PDE8B: variants seen among roughly 807,000 people sequenced by gnomAD.
The protein encoded by PDE8B is high affinity cAMP-specific and IBMX-insensitive 3',5'-cyclic phosphodiesterase 8B.
A neutral mutation model predicts 101.3 loss-of-function variants in PDE8B; 26 were observed. That is an observed-to-expected ratio of 0.26 (90% CI 0.19 to 0.36). The LOEUF is 0.36. PDE8B is among the 10% of genes least tolerant of loss of function. The pLI, the probability that PDE8B is intolerant of heterozygous loss-of-function variation, is 1.00. For missense variants in PDE8B, 810 were observed against 1,163.1 expected, an observed-to-expected ratio of 0.70 and a Z score of 4.42; for synonymous variants, 424 against 429.3, an observed-to-expected ratio of 0.99 and a Z score of 0.15.
In PDE8B at chr5:77,426,963, G is replaced by A. The variant is rs1798246491; in HGVS notation, c.*409G>A. 1 of 206,120 alleles carries A rather than the reference G, an allele frequency of 4.9e-6. No homozygotes were observed. Among genetic ancestry groups the A allele is most frequent in the Non-Finnish European group, 9.7e-6 (1 of 102,692 alleles). 12.8% of individuals were successfully genotyped at this position (206,120 alleles called of 1,614,324 possible). A position where few individuals can be genotyped will look rare whatever the true frequency, so the allele number is the denominator to read the frequency against. On this transcript the variant is annotated 3_prime_UTR_variant, in exon 22 of 22. Transcript: ENST00000264917. ...CTTTACCATAAAAGTCATCATTGCT[G>A]TTTAGCTTGACTGTTTTCCTCAAGA...
At chr5:77,206,604 G>A (rs577510238), upstream of PDE8B, among the ~76,000 whole-genome samples, 18 of 152,252 alleles carry the variant, frequency 1.2e-4, no homozygotes, top group African/African-American at 4.3e-4. Context: ...AGGCTGGTGC[G>A]GCTGGAGCAG....
the PDE8B span, among the ~76,000 whole-genome samples, chr5:77,169,945 C>T: frequency 7.9e-5 from 12 of 152,276 alleles, no homozygotes; most frequent in African/African-American, 2.2e-4. Flanking sequence ...ACTTGAAACA[C>T]GGCTCTATCT....
chr5:77,146,140 G>A, the PDE8B span: 1 of 152,182 alleles, frequency 6.6e-6, no homozygotes, highest in Admixed American at 6.5e-5. Context: ...GAGGAACTAC[G>A]CTCAAGGAGC....
chr5:77,110,872 T>C, the PDE8B span, among the ~76,000 whole-genome samples: 1 of 152,218 alleles, frequency 6.6e-6, no homozygotes, highest in East Asian at 1.9e-4. Flanking sequence ...TATCTGCTAT[T>C]CAGCCAGTTT....
chr5:77,413,209 T>G lies in PDE8B; in HGVS notation c.1811T>G (p.Ile604Ser). 6.2e-7 allele frequency: 1 copy of G among 1,614,074 alleles called. No homozygotes were observed. Among genetic ancestry groups the G allele is most frequent in the Non-Finnish European group, 8.5e-7 (1 of 1,179,970 alleles). Reference sequence around the variant, plus strand: ...ACTCTTCGGGCCTGGTTCCAAGTGATCGAAGCCAACTACCACTCTTCCAAT... The same window carrying G: ...ACTCTTCGGGCCTGGTTCCAAGTGAGCGAAGCCAACTACCACTCTTCCAAT... Reference protein sequence around the residue: ...ETTLRAWFQVIEANYHSSNAY... With the variant: ...ETTLRAWFQVSEANYHSSNAY... The change falls in exon 17 of 22, where the codon ATC (isoleucine) becomes AGC (serine). Residue 604 changes from isoleucine to serine, a missense_variant. Coordinates refer to ENST00000264917, the MANE Select transcript of PDE8B (RefSeq NM_003719.5).
chr5:77,417,044 A>C (rs1349474820), intron 17 of PDE8B, among the ~76,000 whole-genome samples: 1 of 152,118 alleles, frequency 6.6e-6, no homozygotes, highest in Non-Finnish European at 1.5e-5. Flanking sequence ...CTTCAGGCTC[A>C]GCAGAAAAAT....
chr5:77,087,469 C>T, the PDE8B span: 1 of 152,248 alleles, frequency 6.6e-6, no homozygotes, highest in African/African-American at 2.4e-5. Context: ...TCTCAGAGCG[C>T]GGTTTGCATC....
chr5:77,175,457 C>T, the PDE8B span, among the ~76,000 whole-genome samples: 1 of 152,196 alleles, frequency 6.6e-6, no homozygotes, highest in Non-Finnish European at 1.5e-5. Flanking sequence ...TCTTTGCATT[C>T]CCAGCTCCCT....
At chr5:77,331,570 C>G (rs1581086266) in intron 5 of PDE8B, 111 bp downstream of exon 5, 1 of 879,204 alleles carries the variant, frequency 1.1e-6, no homozygotes. Flanking sequence ...AATTAAGCCC[C>G]AGGACTGTTG....
the PDE8B span, among the ~76,000 whole-genome samples, chr5:77,186,982 A>G: frequency 6.6e-6 from 1 of 152,246 alleles, no homozygotes; most frequent in Admixed American, 6.5e-5. Context: ...ATCTGTGATC[A>G]CTGCTGCTGG....
intron 1 of PDE8B, among the ~76,000 whole-genome samples, chr5:77,301,762 C>T (rs1769997090): frequency 6.6e-6 from 1 of 152,236 alleles, no homozygotes; most frequent in Non-Finnish European, 1.5e-5. Flanking sequence ...GCTGTGTTTA[C>T]ACACACTCAG....
At chr5:77,354,856 C>G (rs1781787937) in intron 10 of PDE8B, among the ~76,000 whole-genome samples, 1 of 152,234 alleles carries the variant, frequency 6.6e-6, no homozygotes, top group Non-Finnish European at 1.5e-5. Flanking sequence ...CTTCATGACC[C>G]AGTGCAAGAA....
At chr5:77,371,271 C>T (rs1328168598) in intron 10 of PDE8B, among the ~76,000 whole-genome samples, 4 of 152,272 alleles carry the variant, frequency 2.6e-5, no homozygotes, top group Non-Finnish European at 2.9e-5. Context: ...TATCATCCAT[C>T]TAGAGTTAGT....
At chr5:77,220,428 C>G (rs1324212935) in intron 1 of PDE8B, among the ~76,000 whole-genome samples, 1 of 152,174 alleles carries the variant, frequency 6.6e-6, no homozygotes, top group Non-Finnish European at 1.5e-5. Context: ...AGGTTGGAAT[C>G]TCTTATTATA....
intron 7 of PDE8B, among the ~76,000 whole-genome samples, chr5:77,345,451 C>T (rs1779969424): frequency 6.6e-6 from 1 of 152,230 alleles, no homozygotes. Flanking sequence ...TGAGTCACTG[C>T]ACCCAGCTAG....
At chr5:77,209,734 T>A (rs183488458), upstream of PDE8B, among the ~76,000 whole-genome samples, 127 of 152,264 alleles carry the variant, frequency 8.3e-4, no homozygotes, top group African/African-American at 2.9e-3. Flanking sequence ...GCAGTTGACA[T>A]GGGCGGCTGG....
rs960560756 is a variant in PDE8B at position 77,394,812 on chromosome 5, A to G, written c.1168-5436A>G. On this transcript the variant is annotated intron_variant, in intron 10 of 21. Transcript: ENST00000264917. ...AACTTCTCTTTTGCACCCCTAGACC[A>G]TTTTACCCTCTTGTCAAAAAGGCTT... Among the ~76,000 whole-genome samples, 7 of 152,104 alleles carry G rather than the reference A, an allele frequency of 4.6e-5. No individual in the cohort carries two copies. The East Asian group carries it at 9.6e-4, about 21-fold the overall frequency.
At chr5:77,235,245 G>A (rs1754421999) in intron 1 of PDE8B, among the ~76,000 whole-genome samples, 1 of 152,200 alleles carries the variant, frequency 6.6e-6, no homozygotes, top group South Asian at 2.1e-4. Context: ...GAAACCCCAA[G>A]TTGGGAAACA....
the PDE8B span, among the ~76,000 whole-genome samples, chr5:77,120,901 C>G: frequency 6.6e-6 from 1 of 152,176 alleles, no homozygotes; most frequent in African/African-American, 2.4e-5. Flanking sequence ...AGAGAATTCC[C>G]AGGGTAGGGA....
Sources: allele counts gnomAD v4.1 joint callset (sites outside exome capture counted in the v4.1 genomes callset), GRCh38; gene constraint gnomAD v4.1.1; transcripts MANE v1.5; gene names NCBI Gene and HGNC (gene_info 2026-07-23, HGNC 2026-07-21).